IGFN1: variants seen among roughly 807,000 people sequenced by gnomAD.
IGFN1 encodes immunoglobulin like and fibronectin type III domain containing 1.
Under a neutral mutation model 289.5 loss-of-function variants are expected in IGFN1, and 253 were observed. The observed-to-expected ratio is 0.87, with a 90% CI of 0.79 to 0.97. The LOEUF (loss-of-function observed/expected upper bound fraction) is 0.97, where lower values mean the gene tolerates loss of function less well. IGFN1 is among the 50% of genes least tolerant of loss of function. The pLI is 0.00. For missense variants in IGFN1, 4,470 were observed against 4,686.1 expected, an observed-to-expected ratio of 0.95 and a Z score of 1.35; for synonymous variants, 1,706 against 1,788.5, an observed-to-expected ratio of 0.95 and a Z score of 1.16.
rs569917735 is a variant in IGFN1 at position 201,211,527 on chromosome 1, G to T, written c.6634G>T (p.Ala2212Ser). The change falls in exon 12 of 24, where the codon GCA (alanine) becomes TCA (serine). Residue 2212 changes from alanine to serine, a missense_variant. Coordinates refer to ENST00000335211, the MANE Select transcript of IGFN1 (RefSeq NM_001164586.2). ...TGAAGAAATGGGGTCAGTGAATAAG[G>T]CAGGTTATAGGAAGGATTTGGGGGC... The part of the protein sequence containing the change: ...GSEEMGSVNK[A>S]GYRKDLGAPK... The T allele has an allele frequency of 2.4e-5, 37 of 1,522,178 alleles. No individual in the cohort carries two copies. The Admixed American group carries it at 3.6e-4, about 15-fold the overall frequency. 94.3% of individuals were successfully genotyped at this position (1,522,178 alleles called of 1,614,324 possible).
Position 201,222,840 on chromosome 1 carries a change from G to C in IGFN1, c.10290+13G>C. 6.3e-7 allele frequency: 1 copy of C among 1,598,722 alleles called. No homozygotes were observed. The highest frequency in any genetic ancestry group is 8.6e-7 in the Non-Finnish European group (1 of 1,167,770). ...CGTCTCCTTTGAAGTGAGTGTACCT[G>C]CAGGGGTGTGGGGAGGGAAGCCCAG... On this transcript the variant is annotated intron_variant, in intron 20 of 23. Transcript: ENST00000335211.
intron 8 of IGFN1, 30 bp downstream of exon 8, chr1:201,200,441 C>T: frequency 6.5e-7 from 1 of 1,527,412 alleles, no homozygotes. Context: ...CCCCTCACTC[C>T]ATGCCCACCC....
chr1:201,202,396 T>C (rs972791907), intron 9 of IGFN1, among the ~76,000 whole-genome samples: 2 of 152,198 alleles, frequency 1.3e-5, no homozygotes, highest in African/African-American at 4.8e-5. Context: ...ACTGCAGCGC[T>C]AAATGACATC....
chr1:201,228,333 C>T, intron 23 of IGFN1, 53 bp from the exon 24 acceptor site: 3 of 1,582,822 alleles, frequency 1.9e-6, no homozygotes, highest in South Asian at 2.2e-5. Context: ...TGAACAGATG[C>T]AGGGTGGGGT....
At chr1:201,201,483 G>C (rs1281142443) in intron 8 of IGFN1, among the ~76,000 whole-genome samples, 2 of 152,188 alleles carry the variant, frequency 1.3e-5, no homozygotes, top group Non-Finnish European at 2.9e-5. Context: ...AAGCCCCACT[G>C]TGTTCTAGCA....
At position 201,216,487 on chromosome 1, in the gene IGFN1, T is replaced by C. The variant is rs1571481528; in HGVS notation, c.9329T>C (p.Val3110Ala). The part of the protein sequence containing the change: ...KPDPPQGPME[V>A]QDCHRAGVCL... ...GATCCCCCACAAGGCCCCATGGAGG[T>C]TCAGGATTGCCATAGGGCTGGCGTC... Residue 3110 changes from valine (V) to alanine (A), a missense_variant, in exon 16 of 24, where the codon GTT becomes GCT. Physicochemically the swap from Val to Ala is moderately conservative, Grantham distance 64 (BLOSUM62 0). This residue lies in a region of IGFN1 where 2,218 missense variants were observed against 2,114.1 expected (regional missense o/e 1.05). Transcript: ENST00000335211. The C allele has an allele frequency of 6.3e-7, 1 of 1,595,514 alleles. No homozygotes were observed. Among genetic ancestry groups the C allele is most frequent in the Non-Finnish European group, 8.5e-7 (1 of 1,170,534 alleles).
intron 5 of IGFN1, 118 bp from the exon 6 acceptor site, chr1:201,199,209 TAGAGGAC>T (rs1667045009): frequency 8.6e-6 from 7 of 816,376 alleles, no homozygotes; most frequent in Non-Finnish European, 1.5e-5. Context: ...GTCCACGCCT[TAGAGGAC>T]AGTGGGGAGA....
chr1:201,205,737 G>C (rs573995086), intron 11 of IGFN1, among the ~76,000 whole-genome samples: 33 of 152,346 alleles, frequency 2.2e-4, no homozygotes, highest in African/African-American at 7.2e-4. Context: ...AGTAAGGCAG[G>C]TGGTTGAGCA....
In IGFN1 at chr1:201,212,888, T is replaced by G. The variant is rs1435086296; in HGVS notation, c.7995T>G (p.His2665Gln). ...QEKDAAFGGT[H>Q]EGPGGFKGGE... ...AAGATGCCGCTTTTGGTGGGACCCA[T>G]GAAGGGCCAGGGGGCTTTAAGGGTG... Residue 2665 changes from histidine to glutamine, a missense_variant, in exon 12 of 24, where the codon CAT (histidine) becomes CAG (glutamine). This residue lies in a region of IGFN1 where 2,218 missense variants were observed against 2,114.1 expected (regional missense o/e 1.05). Coordinates refer to ENST00000335211, the MANE Select transcript of IGFN1 (RefSeq NM_001164586.2). 1 of 1,551,264 alleles carries G rather than the reference T, an allele frequency of 6.4e-7. No homozygotes were observed. Among genetic ancestry groups the G allele is most frequent in the Non-Finnish European group, 8.7e-7 (1 of 1,146,898 alleles).
In IGFN1 at chr1:201,194,154, G is replaced by A; in HGVS notation, c.8G>A (p.Gly3Glu). 6.4e-7 allele frequency: 1 copy of A among 1,551,464 alleles called. No individual in the cohort carries two copies. Among genetic ancestry groups the A allele is most frequent in the Non-Finnish European group, 8.7e-7 (1 of 1,146,874 alleles). MA[G>E]KLRKSHIPGV... ...TCTCCTTCCCTCCTGCATTCTCCAG[G>A]AAAGCTCCGGAAGTCCCACATCCCT... The change falls in exon 3 of 24, where the codon GGA becomes GAA. Residue 3 changes from glycine to glutamate, a missense_variant and splice_region_variant. Coordinates refer to ENST00000335211, the MANE Select transcript of IGFN1 (RefSeq NM_001164586.2).
chr1:201,197,149 T>G, intron 4 of IGFN1, 69 bp from the exon 5 acceptor site: 2 of 915,882 alleles, frequency 2.2e-6, no homozygotes, highest in South Asian at 2.8e-5. Flanking sequence ...CCCCAACACA[T>G]AGCCGTGTCT....
At chr1:201,205,004 G>A in intron 10 of IGFN1, 78 bp from the exon 11 acceptor site, 1 of 1,411,998 alleles carries the variant, frequency 7.1e-7, no homozygotes, top group Non-Finnish European at 9.5e-7. Flanking sequence ...CAGGATTTCT[G>A]AATGGCCAGC....
At position 201,212,577 on chromosome 1, in the gene IGFN1, G is replaced by A; in HGVS notation, c.7684G>A (p.Asp2562Asn). The A allele has an allele frequency of 6.5e-7, 1 of 1,549,820 alleles. No individual in the cohort carries two copies. The highest frequency in any genetic ancestry group is 8.7e-7 in the Non-Finnish European group (1 of 1,146,494). Residue 2562 changes from aspartate to asparagine, a missense_variant, in exon 12 of 24, where the codon GAC (aspartate) becomes AAC (asparagine). Around this residue, in one of 8 missense-constraint regions of IGFN1, gnomAD observed 2,218 missense variants for 2,114.1 expected, o/e 1.05. Coordinates refer to ENST00000335211, the MANE Select transcript of IGFN1 (RefSeq NM_001164586.2). ...CTGGAAAGCAGGCCCAGGAATGACA[G>A]ACAGGGGTAGAGTTGCTGGCCAGGG... ...DIWKAGPGMT[D>N]RGRVAGQGGL...
chr1:201,206,910 C>A lies in IGFN1; in HGVS notation c.2017C>A (p.Pro673Thr), dbSNP rs1667453580. 6.5e-7 allele frequency: 1 copy of A among 1,536,058 alleles called. No individual in the cohort carries two copies. The highest frequency in any genetic ancestry group is 1.2e-5 in the South Asian group (1 of 83,938). Residue 673 changes from proline (P) to threonine (T), a missense_variant, in exon 12 of 24, where the codon CCT becomes ACT. By Grantham distance (38) the Pro-to-Thr change is conservative (BLOSUM62 -1). This residue lies in a region of IGFN1 where 2,011 missense variants were observed against 1,953.4 expected (regional missense o/e 1.03). Coordinates refer to ENST00000335211, the MANE Select transcript of IGFN1 (RefSeq NM_001164586.2). ...TGGAGACAGCAATGGGGCAGGAGGT[C>A]CTGGCACCCTGGAGCTTACTGGAGG... ...EAGDSNGAGGPGTLELTGGRG... is the reference protein window; with the variant it reads ...EAGDSNGAGGTGTLELTGGRG...
intron 10 of IGFN1, 115 bp from the exon 11 acceptor site, chr1:201,204,967 G>A (rs1667335171): frequency 9.7e-7 from 1 of 1,028,786 alleles, no homozygotes; most frequent in African/African-American, 1.6e-5. Context: ...GGTAACATGG[G>A]GAGTTTGTGG....
At chr1:201,225,449 C>T (rs576583297) in intron 21 of IGFN1, among the ~76,000 whole-genome samples, 1 of 152,120 alleles carries the variant, frequency 6.6e-6, no homozygotes, top group African/African-American at 2.4e-5. Context: ...AAAAATTAGC[C>T]GAGCGTGGTG....
chr1:201,227,231 T>TG (rs1654171226), intron 23 of IGFN1, 23 bp downstream of exon 23: 2 of 1,533,840 alleles, frequency 1.3e-6, no homozygotes, highest in African/African-American at 2.7e-5. Flanking sequence ...GCCCTGGCAG[T>TG]GGGGCAGGAA....
rs1326356900 is a variant in IGFN1, at chr1:201,215,526, G to A, written c.8996-13G>A. 6 of 1,543,320 alleles carry A rather than the reference G, an allele frequency of 3.9e-6. No individual in the cohort carries two copies. Among genetic ancestry groups the A allele is most frequent in the Middle Eastern group, 1.7e-4 (1 of 5,732 alleles). The stretch of plus-strand genomic sequence containing the variant: ...TGCCCTGGTCTTCCTTGACTCTCTT[G>A]TTTTATTTCTAGATTCCCCTACCAT... On this transcript the variant is annotated splice_polypyrimidine_tract_variant and intron_variant, in intron 14 of 23. Transcript: ENST00000335211.
chr1:201,224,792 C>G lies in IGFN1; in HGVS notation c.10404C>G (p.Leu3468=), dbSNP rs147363238. 1 of 1,614,074 alleles carries G rather than the reference C, an allele frequency of 6.2e-7. No homozygotes were observed. Among genetic ancestry groups the G allele is most frequent in the African/African-American group, 1.3e-5 (1 of 74,928 alleles). Reference sequence around the variant, plus strand: ...AGCTTCTGATCCCTGTGGCTGGACTCTCAGACAGTGGTCTCTACACTGTGG... The same window carrying G: ...AGCTTCTGATCCCTGTGGCTGGACTGTCAGACAGTGGTCTCTACACTGTGG... ...LTQLLIPVAG[L]SDSGLYTVVL... is the part of the protein sequence containing the mutation. Residue 3468 remains leucine (L), a synonymous_variant, in exon 21 of 24, where the codon CTC becomes CTG. Transcript: ENST00000335211.
Sources: allele counts gnomAD v4.1 joint callset (sites outside exome capture counted in the v4.1 genomes callset), GRCh38; gene constraint gnomAD v4.1.1; regional missense constraint gnomAD v4.1.1; transcripts MANE v1.5; gene names NCBI Gene and HGNC (gene_info 2026-07-23, HGNC 2026-07-21).